The following TSPEAR variants were observed in gnomAD, a reference collection of about 807,000 sequenced individuals.
TSPEAR encodes thrombospondin type laminin G domain and EAR repeats.
A neutral mutation model predicts 71.6 loss-of-function variants in TSPEAR; 69 were observed. The observed-to-expected ratio is 0.96, with a 90% CI of 0.79 to 1.18. The LOEUF (loss-of-function observed/expected upper bound fraction) is 1.18. Ranked by LOEUF, TSPEAR falls within the 50% of genes most tolerant of loss-of-function variation. TSPEAR has a pLI of 0.00. For missense variants in TSPEAR, 971 were observed against 894.9 expected (o/e 1.09, Z -1.09); for synonymous variants, 402 against 387.2 (o/e 1.04, Z -0.45).
intron 8 of TSPEAR, 41 bp downstream of exon 8, chr21:44,525,612 G>A: frequency 1.2e-6 from 2 of 1,601,100 alleles, no homozygotes; most frequent in African/African-American, 1.3e-5. Context: ...CTCTGCCCCT[G>A]GAATGGTTGC....
At position 44,651,494 on chromosome 21, in the gene TSPEAR, G is replaced by A. The variant is rs75427465; in HGVS notation, c.82+59939C>T. Among the ~76,000 whole-genome samples the A allele has an allele frequency of 6.2e-3, 937 of 152,296 alleles. 2 individuals are homozygous for A. Among genetic ancestry groups the A allele is most frequent in the Non-Finnish European group, 0.01 (714 of 68,034 alleles). On this transcript the variant is annotated intron_variant, in intron 1 of 11. Transcript: ENST00000323084. ...GCAGGGCGGGTTCCTTCGGGAGGCT[G>A]CAGGAGAGAATCTTTCCTCATCTCT...
Position 44,539,391 on chromosome 21 carries a change from G to A in TSPEAR, c.304-5468C>T, listed in dbSNP as rs199987739. On this transcript the variant is annotated intron_variant, in intron 2 of 11. Transcript: ENST00000323084. ...CAGCTGGCCTGGCAGGAGGAGGCAG[G>A]GGCACAGCAGGAGGAGACAGGCATA... 6.2e-6 allele frequency: 10 copies of A among 1,612,638 alleles called. 1 individual carries two copies. The highest frequency in any genetic ancestry group is 5.5e-5 in the South Asian group (5 of 91,004).
intron 2 of TSPEAR, among the ~76,000 whole-genome samples, chr21:44,547,254 T>C (rs1555917826): frequency 1.3e-5 from 2 of 152,242 alleles, no homozygotes; most frequent in East Asian, 1.9e-4. Flanking sequence ...TATCTCTTTA[T>C]TGATATTCTC....
At chr21:44,691,168 C>T (rs1987108283) in intron 1 of TSPEAR, among the ~76,000 whole-genome samples, 1 of 151,936 alleles carries the variant, frequency 6.6e-6, no homozygotes, top group African/African-American at 2.4e-5. Context: ...GAAATGTCTC[C>T]TAAGAACATG....
At chr21:44,672,160 G>T (rs1486243140) in intron 1 of TSPEAR, among the ~76,000 whole-genome samples, 1 of 151,844 alleles carries the variant, frequency 6.6e-6, no homozygotes, top group Non-Finnish European at 1.5e-5. Context: ...CAGACAAAAA[G>T]AAAAAAAGAA....
At chr21:44,597,174 A>G (rs1301509244) in intron 1 of TSPEAR, among the ~76,000 whole-genome samples, 1 of 150,070 alleles carries the variant, frequency 6.7e-6, no homozygotes, top group Non-Finnish European at 1.5e-5. Context: ...AAATTAAAAA[A>G]CAGTTTTTTA....
chr21:44,677,660 A>T (rs1190891131), intron 1 of TSPEAR: 11 of 1,316,574 alleles, frequency 8.4e-6, no homozygotes, highest in Non-Finnish European at 1.2e-5. Flanking sequence ...ACACTGTATC[A>T]CCTGCGGTTG....
intron 1 of TSPEAR, among the ~76,000 whole-genome samples, chr21:44,604,990 CT>C (rs1265272146): frequency 1.3e-5 from 2 of 152,078 alleles, no homozygotes; most frequent in African/African-American, 4.8e-5. Flanking sequence ...GTTTGCTAGT[CT>C]TTTTTTGAGG....
chr21:44,678,180 T>G (rs1437385429), intron 1 of TSPEAR: 2 of 488,064 alleles, frequency 4.1e-6, no homozygotes, highest in African/African-American at 3.9e-5. Context: ...GATGCCTATT[T>G]TTATCACTCC....
chr21:44,604,450 T>C (rs587637558), intron 1 of TSPEAR, among the ~76,000 whole-genome samples: 2 of 151,842 alleles, frequency 1.3e-5, no homozygotes, highest in East Asian at 1.9e-4. Flanking sequence ...CGAGACACCA[T>C]GCACAAAAAT....
chr21:44,598,089 T>C (rs1225722799), intron 1 of TSPEAR, among the ~76,000 whole-genome samples: 4 of 152,138 alleles, frequency 2.6e-5, no homozygotes, highest in Admixed American at 1.3e-4. Flanking sequence ...TTTCTTCTCC[T>C]TTTCTTCTTT....
intron 1 of TSPEAR, chr21:44,579,619 A>G: frequency 9.4e-7 from 1 of 1,060,024 alleles, no homozygotes; most frequent in South Asian, 1.6e-5. Flanking sequence ...GAGGATGGAG[A>G]TTCCTGGGAG....
chr21:44,681,654 T>A (rs1358662089), intron 1 of TSPEAR: 2 of 804,552 alleles, frequency 2.5e-6, no homozygotes, highest in African/African-American at 3.5e-5. Context: ...CCTGGGGGGA[T>A]AGGCAAGTTC....
chr21:44,515,126 T>TG (rs2052522256), intron 9 of TSPEAR, among the ~76,000 whole-genome samples: 1 of 152,170 alleles, frequency 6.6e-6, no homozygotes, highest in East Asian at 1.9e-4. Flanking sequence ...CTCACGTTCA[T>TG]GAAAGACATT....
rs1555942051 is a variant in TSPEAR, at chr21:44,654,306, AG to A, written c.82+57126del. 4 of 1,613,858 alleles carry A rather than the reference AG, an allele frequency of 2.5e-6. No individual in the cohort carries two copies. The African/African-American group carries it at 5.3e-5, about 22-fold the overall frequency. ...AGCCAGTGGGGGTGCTCCAGGTGAC[AG>A]GTCTATAGACCAGGGTGGGGCAGAA... On this transcript the variant is annotated intron_variant, in intron 1 of 11. Transcript: ENST00000323084.
At chr21:44,709,044 A>C (rs561503243) in intron 1 of TSPEAR, among the ~76,000 whole-genome samples, 9 of 152,314 alleles carry the variant, frequency 5.9e-5, no homozygotes, top group African/African-American at 2.2e-4. Context: ...AGGGAGAGGC[A>C]ATGGAAAGAG....
chr21:44,631,352 T>C (rs1983246532), intron 1 of TSPEAR, among the ~76,000 whole-genome samples: 1 of 152,134 alleles, frequency 6.6e-6, no homozygotes, highest in African/African-American at 2.4e-5. Flanking sequence ...ACAGCCGATT[T>C]GAACAGACAG....
intron 10 of TSPEAR, chr21:44,508,462 A>T (rs1296310902): frequency 9.8e-7 from 1 of 1,016,304 alleles, no homozygotes; most frequent in Non-Finnish European, 1.2e-6. Flanking sequence ...GCCAGATTCC[A>T]GCTCCAAGCT....
chr21:44,699,003 C>T (rs1170917660), intron 1 of TSPEAR, among the ~76,000 whole-genome samples: 2 of 152,134 alleles, frequency 1.3e-5, no homozygotes, highest in African/African-American at 4.8e-5. Flanking sequence ...GAATTCGAGA[C>T]CAGCCTGGCC....
Sources: allele counts gnomAD v4.1 joint callset (sites outside exome capture counted in the v4.1 genomes callset), GRCh38; gene constraint gnomAD v4.1.1; transcripts MANE v1.5; gene names NCBI Gene and HGNC (gene_info 2026-07-23, HGNC 2026-07-21).